PTPN21: variants seen among roughly 807,000 people sequenced by gnomAD.
The protein encoded by PTPN21 is protein tyrosine phosphatase non-receptor type 21.
PTPN21 carries 77 observed loss-of-function variants against 131.8 expected under a neutral mutation model. The ratio of observed to expected loss-of-function variants is 0.58; its 90% CI spans 0.49 to 0.71. The LOEUF is 0.71. Ranked by LOEUF, PTPN21 falls within the 30% of genes least tolerant of loss-of-function variation. The probability of loss-of-function intolerance (pLI) is 0.00; values close to 1 mark genes in which losing one functional copy is unlikely to be tolerated. For missense variants in PTPN21, 1,552 were observed against 1,527.1 expected (o/e 1.02, Z -0.27); for synonymous variants, 715 against 621.3 (o/e 1.15, Z -2.24).
chr14:88,487,281 A>G (rs74077204), intron 10 of PTPN21, among the ~76,000 whole-genome samples: 5,608 of 152,168 alleles, frequency 0.037, 347 homozygotes, highest in African/African-American at 0.13. Context: ...ACCTTTTACC[A>G]CCTATTCCTG....
At chr14:88,476,890 A>G (rs2077554400) in intron 13 of PTPN21, among the ~76,000 whole-genome samples, 1 of 152,228 alleles carries the variant, frequency 6.6e-6, no homozygotes, top group East Asian at 1.9e-4. Flanking sequence ...CTTTTAAGAG[A>G]ACCAAATTGA....
intron 10 of PTPN21, among the ~76,000 whole-genome samples, chr14:88,496,086 G>A (rs756236372): frequency 2.0e-5 from 3 of 151,840 alleles, no homozygotes; most frequent in Admixed American, 6.6e-5. Flanking sequence ...AGGAAGGAGG[G>A]GCAAAAATTC....
intron 2 of PTPN21, among the ~76,000 whole-genome samples, chr14:88,540,305 T>C (rs896118706): frequency 6.6e-6 from 1 of 152,218 alleles, no homozygotes; most frequent in East Asian, 1.9e-4. Flanking sequence ...GGAAACAAAG[T>C]TGATTATACA....
intron 1 of PTPN21, among the ~76,000 whole-genome samples, chr14:88,553,648 G>A (rs2078892589): frequency 6.6e-6 from 1 of 151,512 alleles, no homozygotes; most frequent in Non-Finnish European, 1.5e-5. Flanking sequence ...CCGTTTTGTG[G>A]TAAGTAAACA....
At chr14:88,545,401 T>G (rs1359131283) in intron 2 of PTPN21, among the ~76,000 whole-genome samples, 1 of 152,166 alleles carries the variant, frequency 6.6e-6, no homozygotes, top group East Asian at 1.9e-4. Flanking sequence ...ACTCTTGCAC[T>G]CTGGATTGTG....
In PTPN21 at chr14:88,473,787, G is replaced by A. The variant is rs747372253; in HGVS notation, c.2527C>T (p.Arg843Ter). The A allele has an allele frequency of 2.5e-6, 4 of 1,606,430 alleles. No homozygotes were observed. Among genetic ancestry groups the A allele is most frequent in the Non-Finnish European group, 3.4e-6 (4 of 1,178,130 alleles). The part of the protein sequence containing the change: ...LPPLGGMKKT[R>*]VDAKKIGPLK... ...GGACCAATTTTTTTTGCATCTACTC[G>A]AGTCTTTTTCATTCCCTGTAAAAGG... Residue 843 changes from arginine (R) to a stop codon, truncating the protein, a stop_gained, in exon 14 of 19, where the codon CGA becomes TGA. Transcript: ENST00000556564. LOFTEE classifies it high-confidence loss of function.
At chr14:88,501,655 T>C (rs2078010168) in intron 6 of PTPN21, among the ~76,000 whole-genome samples, 1 of 152,116 alleles carries the variant, frequency 6.6e-6, no homozygotes, top group African/African-American at 2.4e-5. Context: ...TCTTGAACTT[T>C]TCTTAAACCA....
rs1278491535 is a variant in PTPN21, at chr14:88,479,422, G to C, written c.2009C>G (p.Ser670Trp). The C allele has an allele frequency of 1.9e-6, 3 of 1,602,450 alleles. No individual in the cohort carries two copies. In the African/African-American group the frequency reaches 4.0e-5, roughly 21 times the overall value. ...GAAAACGCTGGGCTGGGAGCCCACC[G>C]AGACGGCTCGCGGCGCCACCTCTGC... ...SAAEVAPRAV[S>W]VGSQPSVFTE... is the part of the protein sequence containing the mutation. Residue 670 changes from serine to tryptophan, a missense_variant, in exon 13 of 19, where the codon TCG (serine) becomes TGG (tryptophan). Transcript: ENST00000556564.
intron 2 of PTPN21, among the ~76,000 whole-genome samples, chr14:88,523,716 GACACACACACACACACACACAC>G (rs71126989): frequency 6.9e-6 from 1 of 144,442 alleles, no homozygotes; most frequent in African/African-American, 2.6e-5. Context: ...CCCCAACCGT[GACACACACACACACACACACAC>G]ACACACACAC....
intron 12 of PTPN21, among the ~76,000 whole-genome samples, chr14:88,483,288 C>T (rs988786425): frequency 3.4e-5 from 5 of 149,206 alleles, no homozygotes; most frequent in South Asian, 2.1e-4. Flanking sequence ...GGAGAATGAA[C>T]AATATTAAGA....
At chr14:88,472,580 A>C in intron 14 of PTPN21, 115 bp from the exon 15 acceptor site, 1 of 705,206 alleles carries the variant, frequency 1.4e-6, no homozygotes, top group Non-Finnish European at 2.3e-6. Flanking sequence ...ATAATATTGA[A>C]AATTCTAGGT....
chr14:88,501,196 A>T (rs973036406), intron 7 of PTPN21, 85 bp downstream of exon 7: 9 of 1,254,090 alleles, frequency 7.2e-6, no homozygotes, highest in Non-Finnish European at 8.2e-6. Context: ...GCCTTTGCAC[A>T]TAAGGACATC....
rs2077384572 is a variant in PTPN21, at chr14:88,467,599, T to C, written c.*538A>G. 6.6e-6 allele frequency: 1 copy of C among 152,368 alleles called. No homozygotes were observed. Among genetic ancestry groups the C allele is most frequent in the Non-Finnish European group, 1.5e-5 (1 of 68,204 alleles). The allele number at this position is 152,368 out of a possible 1,614,324, so 9.4% of individuals were successfully genotyped here. On this transcript the variant is annotated 3_prime_UTR_variant, in exon 19 of 19. Transcript: ENST00000556564. ...TTTCAGTTTGGCAACTAAACCATTA[T>C]TAAGTACCCAAGGTTTTTAAAAAAT...
rs2077421939 is a variant in PTPN21, at chr14:88,469,521, T to A, written c.3213A>T (p.Pro1071=). The A allele has an allele frequency of 6.2e-7, 1 of 1,613,876 alleles. No individual in the cohort carries two copies. Among genetic ancestry groups the A allele is most frequent in the Non-Finnish European group, 8.5e-7 (1 of 1,179,854 alleles). The change falls in exon 17 of 19, where the codon CCA becomes CCT. Residue 1071 remains proline (P), a synonymous_variant. Coordinates refer to ENST00000556564, the MANE Select transcript of PTPN21 (RefSeq NM_007039.4). This position sits in a 1 kb window ranked among gnomAD's most constrained non-coding sequence, Gnocchi z 4.3. Reference sequence around the variant, plus strand: ...CACATAAAAATCCCTTGAGGTCTTCTGGACAGCCATGTTCAGGCCAGTCTG... The same window carrying A: ...CACATAAAAATCCCTTGAGGTCTTCAGGACAGCCATGTTCAGGCCAGTCTG... The part of the protein sequence containing the change: ...QYTDWPEHGC[P]EDLKGFLSYL...
Position 88,479,812 on chromosome 14 carries a change from G to C in PTPN21, c.1619C>G (p.Pro540Arg), listed in dbSNP as rs2077616918. Residue 540 changes from proline (P) to arginine (R), a missense_variant, in exon 13 of 19, where the codon CCG (proline) becomes CGG (arginine). Physicochemically the swap from Pro to Arg is moderately radical, Grantham distance 103. Transcript: ENST00000556564. Reference sequence around the variant, plus strand: ...CTGCAGCTGCGCATTGGTCAGCTCCGGCACGCTGACCGCGCCCACCACGGG... The same window carrying C: ...CTGCAGCTGCGCATTGGTCAGCTCCCGCACGCTGACCGCGCCCACCACGGG... ...RRPVVGAVSVPELTNAQLQAQ... is the reference protein window; with the variant it reads ...RRPVVGAVSVRELTNAQLQAQ... The C allele has an allele frequency of 6.5e-7, 1 of 1,547,792 alleles. No homozygotes were observed. The highest frequency in any genetic ancestry group is 8.7e-7 in the Non-Finnish European group (1 of 1,152,666).
At chr14:88,518,386 G>GTGTGTATATATATATATA (rs1259300832) in intron 2 of PTPN21, among the ~76,000 whole-genome samples, 5 of 9,706 alleles carry the variant, frequency 5.2e-4, no homozygotes, top group Non-Finnish European at 8.6e-4. Flanking sequence ...GTGTGTGTGT[G>GTGTGTATATATATATATA]TATATATATA....
chr14:88,550,179 GC>G (rs1189803519), intron 2 of PTPN21, 58 bp downstream of exon 2: 10 of 1,528,756 alleles, frequency 6.5e-6, no homozygotes, highest in Non-Finnish European at 8.9e-6. Flanking sequence ...CTCTCAAAGT[GC>G]TGGGATTACA....
chr14:88,469,395 TTA>T lies in PTPN21; in HGVS notation c.3235+102_3235+103del, dbSNP rs1444362333. The T allele has an allele frequency of 9.6e-7, 1 of 1,039,522 alleles. No homozygotes were observed. Among genetic ancestry groups the T allele is most frequent in the African/African-American group, 1.6e-5 (1 of 63,096 alleles). 64.4% of individuals were successfully genotyped at this position (1,039,522 alleles called of 1,614,324 possible). A position where few individuals can be genotyped will look rare whatever the true frequency, so the allele number is the denominator to read the frequency against. On this transcript the variant is annotated intron_variant, in intron 17 of 18. Transcript: ENST00000556564. The surrounding 1 kb of genome is among the most constrained non-coding windows in gnomAD (Gnocchi z 4.3). ...CTTTATGTTAAAACAAGTCCGAAGC[TTA>T]TATGAGATAACATAAAGGAAATATT...
intron 2 of PTPN21, among the ~76,000 whole-genome samples, chr14:88,528,764 T>G (rs1474059210): frequency 2.0e-5 from 3 of 152,264 alleles, no homozygotes; most frequent in African/African-American, 7.2e-5. Flanking sequence ...CATGTGGAAC[T>G]GTAAGTCCAT....
Sources: allele counts gnomAD v4.1 joint callset (sites outside exome capture counted in the v4.1 genomes callset), GRCh38; gene constraint gnomAD v4.1.1; non-coding constraint Gnocchi (gnomAD v3.1); transcripts MANE v1.5; gene names NCBI Gene and HGNC (gene_info 2026-07-23, HGNC 2026-07-21).